Variants in ANK2 observed in about 807,000 individuals in gnomAD.
ANK2 encodes the protein ankyrin 2.
Under a neutral mutation model 360.5 loss-of-function variants are expected in ANK2, and 83 were observed. The ratio of observed to expected loss-of-function variants is 0.23; its 90% CI spans 0.19 to 0.28. ANK2 has a LOEUF of 0.28. ANK2 is among the 10% of genes least tolerant of loss of function. The pLI is 1.00. For synonymous variants in ANK2, 1,740 were observed against 1,759.5 expected, an observed-to-expected ratio of 0.99 and a Z score of 0.28; for missense variants, 4,201 against 4,795.7, an observed-to-expected ratio of 0.88 and a Z score of 3.66.
the ANK2 span, among the ~76,000 whole-genome samples, chr4:112,749,502 C>T: frequency 6.6e-6 from 1 of 152,136 alleles, no homozygotes; most frequent in Non-Finnish European, 1.5e-5. Flanking sequence ...TGTATGGAAA[C>T]TCATGAGCTC....
chr4:112,989,097 A>G lies in ANK2; in HGVS notation c.21+84583A>G, dbSNP rs540809041. 3.3e-5 allele frequency among the ~76,000 whole-genome samples: 5 copies of G among 152,358 alleles called. No individual in the cohort carries two copies. In the East Asian group the frequency reaches 7.7e-4, roughly 23 times the overall value. On this transcript the variant is annotated intron_variant, in intron 2 of 30. Coordinates refer to the ANK2 transcript ENST00000503271. ...CAGAGGTAATTCTACACTTGATCTT[A>G]GCCAAAAGGCTGAGAAGCAATTCAG...
chr4:113,127,342 T>TA (rs34609403), intron 1 of ANK2, among the ~76,000 whole-genome samples: 8 of 152,004 alleles, frequency 5.3e-5, no homozygotes, highest in African/African-American at 1.7e-4. Flanking sequence ...ATTTACTGAG[T>TA]AAAAAAATAT....
the ANK2 span, among the ~76,000 whole-genome samples, chr4:112,754,878 G>A: frequency 6.6e-6 from 1 of 152,150 alleles, no homozygotes; most frequent in Non-Finnish European, 1.5e-5. Flanking sequence ...CCTAGTAACG[G>A]TGGTCACCCC....
intron 3 of ANK2, among the ~76,000 whole-genome samples, chr4:113,197,453 T>C (rs1409471975): frequency 6.6e-6 from 1 of 152,122 alleles, no homozygotes; most frequent in East Asian, 1.9e-4. Flanking sequence ...TTTGGAAAAA[T>C]ACAGTGCTAA....
At chr4:113,332,892 C>A in intron 28 of ANK2, 162 bp from the exon 29 acceptor site, 1 of 929,720 alleles carries the variant, frequency 1.1e-6, no homozygotes, top group Non-Finnish European at 1.7e-6. Context: ...TGGAGTGCTA[C>A]TGTGTGACCA....
chr4:113,144,600 G>A (rs1376869497), intron 1 of ANK2, among the ~76,000 whole-genome samples: 2 of 151,420 alleles, frequency 1.3e-5, no homozygotes, highest in Non-Finnish European at 2.9e-5. Flanking sequence ...TTTATAGCAT[G>A]TGGATGGATA....
chr4:113,285,564 A>AT (rs1404985784), intron 18 of ANK2, among the ~76,000 whole-genome samples: 1 of 152,226 alleles, frequency 6.6e-6, no homozygotes, highest in African/African-American at 2.4e-5. Context: ...GAGGAGACAC[A>AT]TAGGGCAAGG....
At chr4:112,893,862 C>G (rs561686448) in intron 1 of ANK2, among the ~76,000 whole-genome samples, 2 of 152,026 alleles carry the variant, frequency 1.3e-5, no homozygotes, top group Non-Finnish European at 2.9e-5. Context: ...CCCAGCATGG[C>G]GGCATGCACC....
At chr4:112,957,886 C>A (rs1445038153) in intron 2 of ANK2, among the ~76,000 whole-genome samples, 1 of 149,922 alleles carries the variant, frequency 6.7e-6, no homozygotes, top group African/African-American at 2.5e-5. Context: ...GACGGGGCAG[C>A]CGGGCAGAGA....
intron 1 of ANK2, chr4:112,827,435 G>A: frequency 1.4e-6 from 2 of 1,384,762 alleles, no homozygotes; most frequent in Non-Finnish European, 1.0e-6. Context: ...GAACTTGGAA[G>A]TGAGGGCTTA....
chr4:113,321,184 T>G (rs1450026343), intron 26 of ANK2, among the ~76,000 whole-genome samples: 2 of 152,236 alleles, frequency 1.3e-5, no homozygotes, highest in Non-Finnish European at 1.5e-5. Flanking sequence ...GTTATATTAT[T>G]GATCCCATAG....
Position 113,342,953 on chromosome 4 carries a change from C to T in ANK2, c.4123-64C>T, listed in dbSNP as rs530118638. On this transcript the variant is annotated intron_variant, in intron 33 of 45. Transcript: ENST00000357077. ...GAAGTTCCAAGTAGTACTACCACTT[C>T]TTTGTGTAAACAACAAGTATAATTG... 3.1e-6 allele frequency: 5 copies of T among 1,601,756 alleles called. No individual in the cohort carries two copies. In the South Asian group the frequency reaches 5.5e-5, roughly 18 times the overall value.
At chr4:113,049,953 A>G in intron 1 of ANK2, 141 bp downstream of exon 1, 1 of 1,114,858 alleles carries the variant, frequency 9.0e-7, no homozygotes, top group South Asian at 1.3e-5. Context: ...CTTGCTTTTT[A>G]AAGAGGCAGG....
At chr4:113,231,139 C>T (rs1179347226) in intron 4 of ANK2, among the ~76,000 whole-genome samples, 2 of 151,608 alleles carry the variant, frequency 1.3e-5, no homozygotes, top group African/African-American at 2.4e-5. Flanking sequence ...GTAATCTCCG[C>T]CTCCCGGATT....
At chr4:112,757,034 AAAAAAAATTGTT>A in the ANK2 span, among the ~76,000 whole-genome samples, 34 of 152,062 alleles carry the variant, frequency 2.2e-4, no homozygotes, top group East Asian at 4.8e-3. Context: ...GCCATCACTT[AAAAAAAATTGTT>A]CTTACATCAC....
intron 1 of ANK2, among the ~76,000 whole-genome samples, chr4:113,133,127 T>C (rs1295173830): frequency 2.0e-5 from 3 of 152,164 alleles, no homozygotes; most frequent in African/African-American, 7.2e-5. Flanking sequence ...TAGTTGAAAG[T>C]ATAAGGACTT....
chr4:112,973,715 T>A (rs2040401216), intron 2 of ANK2, among the ~76,000 whole-genome samples: 1 of 152,212 alleles, frequency 6.6e-6, no homozygotes, highest in African/African-American at 2.4e-5. Flanking sequence ...CTTCTAGCTA[T>A]TGTTTCTTCA....
intron 1 of ANK2, among the ~76,000 whole-genome samples, chr4:113,054,398 G>T (rs2068574840): frequency 6.6e-6 from 1 of 152,090 alleles, no homozygotes; most frequent in African/African-American, 2.4e-5. Flanking sequence ...GGAAAGTGTT[G>T]CCAGATGTGT....
chr4:113,106,165 A>G (rs1186856870), intron 1 of ANK2, among the ~76,000 whole-genome samples: 1 of 152,194 alleles, frequency 6.6e-6, no homozygotes, highest in Non-Finnish European at 1.5e-5. Context: ...AAACACAAAA[A>G]TATACACAGC....
Sources: allele counts gnomAD v4.1 joint callset (sites outside exome capture counted in the v4.1 genomes callset), GRCh38; gene constraint gnomAD v4.1.1; transcripts MANE v1.5; gene names NCBI Gene and HGNC (gene_info 2026-07-23, HGNC 2026-07-21).